The following OPCML variants were observed in gnomAD, a reference collection of about 807,000 sequenced individuals.
The protein encoded by OPCML is opioid binding protein/cell adhesion molecule like.
A neutral mutation model predicts 37.8 loss-of-function variants in OPCML; 13 were observed. The ratio of observed to expected loss-of-function variants is 0.34; its 90% CI spans 0.22 to 0.55. OPCML has a LOEUF of 0.55. Among genes scored for constraint, OPCML ranks in the 20% least tolerant of loss-of-function variants. OPCML has a pLI of 0.91. For synonymous variants in OPCML, 176 were observed against 168.8 expected (o/e 1.04, Z -0.33); for missense variants, 341 against 435.6 (o/e 0.78, Z 1.93).
chr11:132,850,459 G>C (rs1374290053), intron 2 of OPCML, among the ~76,000 whole-genome samples: 1 of 152,080 alleles, frequency 6.6e-6, no homozygotes, highest in Non-Finnish European at 1.5e-5. Context: ...ATTAGGGCCA[G>C]ACAGGGTGTT....
intron 2 of OPCML, among the ~76,000 whole-genome samples, chr11:132,737,542 T>C (rs182852978): frequency 0.011 from 1,666 of 152,316 alleles, 26 homozygotes; most frequent in Non-Finnish European, 0.012. Context: ...TGTGATACTA[T>C]ATATTCTTCA....
intron 1 of OPCML, among the ~76,000 whole-genome samples, chr11:133,047,695 C>T (rs1249156773): frequency 6.6e-6 from 1 of 152,170 alleles, no homozygotes; most frequent in African/African-American, 2.4e-5. Flanking sequence ...CACTTCCATC[C>T]CCAGCCCACT....
intron 1 of OPCML, chr11:133,024,381 T>G: frequency 1.0e-6 from 1 of 985,244 alleles, no homozygotes; most frequent in Non-Finnish European, 1.2e-6. Context: ...ACTTAACTCA[T>G]TAGGATGGAG....
intron 1 of OPCML, among the ~76,000 whole-genome samples, chr11:133,375,410 C>T (rs894009962): frequency 1.3e-5 from 2 of 152,232 alleles, no homozygotes; most frequent in Non-Finnish European, 1.5e-5. Flanking sequence ...GGAAGAATTC[C>T]AAGTATCCTA....
rs550927525 is a variant in OPCML at position 133,037,232 on chromosome 11, C to T, written c.62-94222G>A. The stretch of plus-strand genomic sequence containing the variant: ...AACTTCAAAGTTAGTCGGATCACCA[C>T]TGTGAGGATGAGGACTTATATCATT... On this transcript the variant is annotated intron_variant, in intron 1 of 7. Coordinates refer to ENST00000524381, the MANE Select transcript of OPCML (RefSeq NM_001012393.5). 1.4e-4 allele frequency among the ~76,000 whole-genome samples: 21 copies of T among 152,306 alleles called. No homozygotes were observed. The South Asian group carries it at 4.1e-3, about 30-fold the overall frequency.
intron 3 of OPCML, among the ~76,000 whole-genome samples, chr11:132,653,778 C>T (rs905236309): frequency 1.3e-5 from 2 of 152,180 alleles, no homozygotes; most frequent in African/African-American, 4.8e-5. Flanking sequence ...CGTGCACTCC[C>T]TTCTGCTGAT....
chr11:132,607,942 G>T (rs2137823298), intron 3 of OPCML, among the ~76,000 whole-genome samples: 1 of 152,238 alleles, frequency 6.6e-6, no homozygotes, highest in South Asian at 2.1e-4. Flanking sequence ...GTGTTTGCTA[G>T]ATCAGTAGGG....
At chr11:132,890,187 T>C (rs1435753316) in intron 2 of OPCML, among the ~76,000 whole-genome samples, 1 of 152,188 alleles carries the variant, frequency 6.6e-6, no homozygotes, top group African/African-American at 2.4e-5. Context: ...TCAAGGGTGT[T>C]CTTGGAAGCT....
At chr11:133,292,670 T>C (rs1314949359) in intron 1 of OPCML, among the ~76,000 whole-genome samples, 2 of 152,174 alleles carry the variant, frequency 1.3e-5, no homozygotes, top group Non-Finnish European at 2.9e-5. Flanking sequence ...CCAAAACATG[T>C]CTTAATAAAC....
chr11:133,432,442 C>G (rs1182947168), intron 1 of OPCML, among the ~76,000 whole-genome samples: 1 of 152,058 alleles, frequency 6.6e-6, no homozygotes, highest in Non-Finnish European at 1.5e-5. Context: ...GTAGTGTGAT[C>G]AAAGCTCACT....
chr11:132,895,038 A>G (rs1943784018), intron 2 of OPCML, among the ~76,000 whole-genome samples: 2 of 152,194 alleles, frequency 1.3e-5, no homozygotes, highest in Non-Finnish European at 2.9e-5. Flanking sequence ...AGATTTTAGT[A>G]CCAACAGTGG....
chr11:133,350,619 T>C (rs1944114396), intron 1 of OPCML, among the ~76,000 whole-genome samples: 1 of 152,202 alleles, frequency 6.6e-6, no homozygotes, highest in Non-Finnish European at 1.5e-5. Context: ...CTCTGAACTA[T>C]TGTTTTTACA....
chr11:133,025,637 G>A (rs775089772), intron 1 of OPCML: 3 of 231,806 alleles, frequency 1.3e-5, no homozygotes, highest in Non-Finnish European at 1.4e-5. Context: ...GGCCAGGCTA[G>A]TCTCAAGTCC....
intron 2 of OPCML, among the ~76,000 whole-genome samples, chr11:132,928,556 A>G (rs1317267863): frequency 6.6e-6 from 1 of 152,070 alleles, no homozygotes; most frequent in African/African-American, 2.4e-5. Context: ...AATAATAGAT[A>G]TAACAAACAG....
chr11:132,889,019 A>C (rs1943536106), intron 2 of OPCML, among the ~76,000 whole-genome samples: 2 of 152,194 alleles, frequency 1.3e-5, no homozygotes. Context: ...GGCACTTGGC[A>C]GATGATTTTT....
At chr11:132,950,275 G>C (rs750253656) in intron 1 of OPCML, among the ~76,000 whole-genome samples, 77 of 152,172 alleles carry the variant, frequency 5.1e-4, no homozygotes, top group Non-Finnish European at 4.1e-4. Flanking sequence ...GAGCAGCAGA[G>C]GCCAGAAACG....
At chr11:132,857,951 G>A (rs1045392345) in intron 2 of OPCML, among the ~76,000 whole-genome samples, 1 of 152,074 alleles carries the variant, frequency 6.6e-6, no homozygotes, top group Admixed American at 6.6e-5. Context: ...GACAGGTGTG[G>A]GTGAGCACTG....
At chr11:132,564,000 C>T (rs75980039) in intron 3 of OPCML, among the ~76,000 whole-genome samples, 21,398 of 152,144 alleles carry the variant, frequency 0.14, 2,025 homozygotes, top group East Asian at 0.44. Context: ...GGACTCTCAG[C>T]GTTGCATACC....
chr11:132,842,208 T>C (rs2136305427), intron 2 of OPCML, among the ~76,000 whole-genome samples: 1 of 152,286 alleles, frequency 6.6e-6, no homozygotes, highest in South Asian at 2.1e-4. Flanking sequence ...CCAACACCGA[T>C]GTAGCCACCT....
Sources: allele counts gnomAD v4.1 joint callset (sites outside exome capture counted in the v4.1 genomes callset), GRCh38; gene constraint gnomAD v4.1.1; transcripts MANE v1.5; gene names NCBI Gene and HGNC (gene_info 2026-07-23, HGNC 2026-07-21).